CDH12: variants seen among roughly 807,000 people sequenced by gnomAD.
CDH12 encodes cadherin 12.
A neutral mutation model predicts 74.1 loss-of-function variants in CDH12; 41 were observed. The ratio of observed to expected loss-of-function variants is 0.55; its 90% CI spans 0.43 to 0.72. The LOEUF (loss-of-function observed/expected upper bound fraction) is 0.72. CDH12 is among the 30% of genes least tolerant of loss of function. The pLI, the probability that CDH12 is intolerant of heterozygous loss-of-function variation, is 0.00. For missense variants in CDH12, 945 were observed against 977.2 expected (o/e 0.97, Z 0.44); for synonymous variants, 399 against 355.0 (o/e 1.12, Z -1.39).
chr5:22,292,873 C>T (rs980703870), intron 3 of CDH12, among the ~76,000 whole-genome samples: 1 of 152,138 alleles, frequency 6.6e-6, no homozygotes, highest in Non-Finnish European at 1.5e-5. Context: ...AGTTCCTTTT[C>T]AAAGGTTCTG....
intron 6 of CDH12, among the ~76,000 whole-genome samples, chr5:21,865,129 A>T (rs2150012081): frequency 6.6e-6 from 1 of 152,320 alleles, no homozygotes; most frequent in Non-Finnish European, 1.5e-5. Context: ...GTAGAACTTA[A>T]GAGCAATGAC....
chr5:22,346,639 G>A (rs924187860), intron 3 of CDH12, among the ~76,000 whole-genome samples: 4 of 152,270 alleles, frequency 2.6e-5, no homozygotes, highest in East Asian at 1.9e-4. Context: ...GAGTTGGTAC[G>A]TGGCATGAAA....
At chr5:21,818,561 T>C (rs1748192507) in intron 8 of CDH12, among the ~76,000 whole-genome samples, 1 of 151,978 alleles carries the variant, frequency 6.6e-6, no homozygotes, top group South Asian at 2.1e-4. Context: ...CTACCATTTA[T>C]CTTGAATATG....
At chr5:22,643,270 G>C (rs568706787) in intron 1 of CDH12, among the ~76,000 whole-genome samples, 42 of 152,036 alleles carry the variant, frequency 2.8e-4, no homozygotes, top group Non-Finnish European at 3.5e-4. Flanking sequence ...TAGTCAGCTG[G>C]TTTCACATTA....
At chr5:22,290,553 G>A (rs756927530) in intron 3 of CDH12, among the ~76,000 whole-genome samples, 3 of 152,122 alleles carry the variant, frequency 2.0e-5, no homozygotes, top group Non-Finnish European at 4.4e-5. Flanking sequence ...AAACAGGAGA[G>A]AGAATCTGTG....
At chr5:21,789,281 T>C (rs897540374) in intron 10 of CDH12, among the ~76,000 whole-genome samples, 1 of 152,114 alleles carries the variant, frequency 6.6e-6, no homozygotes, top group Non-Finnish European at 1.5e-5. Context: ...AGATATTATA[T>C]CCCTTGACTG....
At chr5:21,984,980 T>G (rs1757454219) in intron 5 of CDH12, among the ~76,000 whole-genome samples, 1 of 152,054 alleles carries the variant, frequency 6.6e-6, no homozygotes, top group Admixed American at 6.6e-5. Flanking sequence ...AGAAAATTAA[T>G]TAAAATGCCT....
At chr5:21,832,912 TAA>T (rs1561224060) in intron 8 of CDH12, among the ~76,000 whole-genome samples, 12 of 79,852 alleles carry the variant, frequency 1.5e-4, no homozygotes, top group African/African-American at 9.5e-4. Context: ...ATATATGATA[TAA>T]TATTAATATA....
At chr5:22,284,035 A>G (rs1411509386) in intron 3 of CDH12, among the ~76,000 whole-genome samples, 4 of 152,122 alleles carry the variant, frequency 2.6e-5, no homozygotes, top group African/African-American at 9.7e-5. Context: ...TACTGACTAC[A>G]TTTTTTATTG....
chr5:22,831,641 A>C (rs1300178927), intron 1 of CDH12, among the ~76,000 whole-genome samples: 1 of 152,126 alleles, frequency 6.6e-6, no homozygotes, highest in Non-Finnish European at 1.5e-5. Context: ...TCACACCTGT[A>C]ATCCCAGCAC....
At chr5:22,138,844 TAATATATATA>T (rs1397025809) in intron 4 of CDH12, among the ~76,000 whole-genome samples, 3 of 42,574 alleles carry the variant, frequency 7.0e-5, no homozygotes, top group African/African-American at 1.8e-4. Context: ...CATATATACG[TAATATATATA>T]TATATATATA....
intron 5 of CDH12, among the ~76,000 whole-genome samples, chr5:22,075,466 A>G (rs979240271): frequency 6.6e-6 from 1 of 152,126 alleles, no homozygotes; most frequent in Non-Finnish European, 1.5e-5. Flanking sequence ...CATAATAAAA[A>G]AAAAACTTTA....
intron 4 of CDH12, among the ~76,000 whole-genome samples, chr5:22,124,266 T>C (rs1285098419): frequency 6.6e-6 from 1 of 152,090 alleles, no homozygotes; most frequent in Non-Finnish European, 1.5e-5. Flanking sequence ...TGGGATCACA[T>C]GCGTGGGCCA....
intron 1 of CDH12, among the ~76,000 whole-genome samples, chr5:22,545,888 T>A (rs1355779192): frequency 1.3e-5 from 2 of 152,176 alleles, no homozygotes; most frequent in Non-Finnish European, 2.9e-5. Flanking sequence ...TTAAGTATGT[T>A]TGAGTTATAC....
chr5:22,565,094 C>T (rs1365766239), intron 1 of CDH12, among the ~76,000 whole-genome samples: 1 of 152,044 alleles, frequency 6.6e-6, no homozygotes, highest in Non-Finnish European at 1.5e-5. Context: ...TGCCACCATG[C>T]CCAGCTGATT....
intron 1 of CDH12, among the ~76,000 whole-genome samples, chr5:22,769,591 C>T (rs915327446): frequency 1.6e-4 from 24 of 152,122 alleles, no homozygotes; most frequent in African/African-American, 5.8e-4. Flanking sequence ...AGTCAGTTCT[C>T]CTTAATAAAC....
chr5:22,840,533 A>T (rs558472715), intron 1 of CDH12, among the ~76,000 whole-genome samples: 87 of 149,972 alleles, frequency 5.8e-4, no homozygotes, highest in Middle Eastern at 7.1e-3. Context: ...AGCTATATAT[A>T]ATATGCTATG....
chr5:22,254,144 T>C (rs996729809), intron 3 of CDH12, among the ~76,000 whole-genome samples: 2 of 151,820 alleles, frequency 1.3e-5, no homozygotes, highest in African/African-American at 4.8e-5. Context: ...TGTAACCTGA[T>C]AGTGCTGAAA....
At chr5:22,367,079 G>A (rs1025042147) in intron 3 of CDH12, among the ~76,000 whole-genome samples, 9 of 152,078 alleles carry the variant, frequency 5.9e-5, no homozygotes, top group Non-Finnish European at 7.4e-5. Flanking sequence ...GAAAATAATC[G>A]AAGGGGAATG....
Sources: gnomAD v4.1 joint callset for allele counts (sites outside exome capture counted in the v4.1 genomes callset) on GRCh38, gnomAD v4.1.1 for gene constraint, MANE v1.5 for transcripts, NCBI Gene and HGNC (gene_info 2026-07-23, HGNC 2026-07-21) for gene names.